Variants in ZNF69 observed in about 807,000 individuals in gnomAD.
The protein encoded by ZNF69 is ZNF3.
In ZNF69, 47 loss-of-function variants were observed where a neutral mutation model predicts 50.9. That is an observed-to-expected ratio of 0.92 (90% CI 0.73 to 1.18). The LOEUF is 1.18. ZNF69 is among the 50% of genes most tolerant of loss of function. The pLI is 0.00. For synonymous variants in ZNF69, 216 were observed against 223.1 expected (o/e 0.97, Z 0.29); for missense variants, 717 against 675.1 (o/e 1.06, Z -0.69).
At chr19:11,927,901 T>G in the ZNF69 span, among the ~76,000 whole-genome samples, 1 of 152,124 alleles carries the variant, frequency 6.6e-6, no homozygotes, top group Admixed American at 6.5e-5. Flanking sequence ...TTACTCTGGC[T>G]CCCCTAGGCA....
At chr19:11,924,722 C>T in the ZNF69 span, among the ~76,000 whole-genome samples, 843 of 152,218 alleles carry the variant, frequency 5.5e-3, 7 homozygotes, top group African/African-American at 0.02. Context: ...TGCAGTCGTG[C>T]CTGGCCTGGT....
chr19:11,938,569 C>G, the ZNF69 span, among the ~76,000 whole-genome samples: 2 of 152,048 alleles, frequency 1.3e-5, no homozygotes, highest in African/African-American at 4.8e-5. Context: ...TGAACTCATC[C>G]TTTTTTGTGG....
chr19:11,965,277 T>G, the ZNF69 span: 3 of 1,609,378 alleles, frequency 1.9e-6, 1 homozygote, highest in Non-Finnish European at 2.5e-6. Flanking sequence ...CGGAACCGGC[T>G]GCGGCGGGAC....
the ZNF69 span, among the ~76,000 whole-genome samples, chr19:11,975,370 G>A: frequency 1.3e-5 from 2 of 151,564 alleles, no homozygotes; most frequent in African/African-American, 2.4e-5. Context: ...CACTGCACCC[G>A]GCCAAGATGT....
At chr19:11,961,037 G>T in the ZNF69 span, among the ~76,000 whole-genome samples, 1 of 152,162 alleles carries the variant, frequency 6.6e-6, no homozygotes, top group South Asian at 2.1e-4. Context: ...CCAGCACTTT[G>T]GGAGGCCGAG....
At chr19:11,970,548 T>C in the ZNF69 span, among the ~76,000 whole-genome samples, 1 of 152,268 alleles carries the variant, frequency 6.6e-6, no homozygotes, top group Admixed American at 6.5e-5. Context: ...AGATTGATTA[T>C]TCTCCTGTAG....
At chr19:11,909,801 G>C (rs962877636), downstream of ZNF69, among the ~76,000 whole-genome samples, 61 of 151,782 alleles carry the variant, frequency 4.0e-4, no homozygotes, top group Non-Finnish European at 6.3e-4. Flanking sequence ...ATTCAACATA[G>C]TGTTGGAAGT....
the ZNF69 span, chr19:11,979,972 G>C: frequency 8.2e-7 from 1 of 1,218,282 alleles, no homozygotes; most frequent in Non-Finnish European, 1.2e-6. Context: ...ACACTGGAGA[G>C]AAACCCTATG....
chr19:11,925,097 G>A, the ZNF69 span: 2 of 1,208,536 alleles, frequency 1.7e-6, no homozygotes, highest in East Asian at 2.7e-5. Flanking sequence ...GAAATGGAGG[G>A]GGTCGCTTTC....
At chr19:11,958,985 C>T in the ZNF69 span, among the ~76,000 whole-genome samples, 2 of 151,698 alleles carry the variant, frequency 1.3e-5, no homozygotes, top group Admixed American at 6.6e-5. Context: ...CAGGTTCAAG[C>T]GATTCTCTTT....
At chr19:11,947,710 A>G in the ZNF69 span, 1 of 917,508 alleles carries the variant, frequency 1.1e-6, no homozygotes, top group Non-Finnish European at 1.7e-6. Context: ...CTCAAAAAAC[A>G]TATATTTAAA....
At chr19:11,937,681 G>A in the ZNF69 span, among the ~76,000 whole-genome samples, 1 of 151,596 alleles carries the variant, frequency 6.6e-6, no homozygotes, top group Admixed American at 6.6e-5. Context: ...GTAGAGACGG[G>A]GTTTCACCAT....
intron 1 of ZNF69, among the ~76,000 whole-genome samples, chr19:11,893,618 C>T (rs934574861): frequency 1.1e-4 from 17 of 152,168 alleles, no homozygotes; most frequent in Admixed American, 5.2e-4. Flanking sequence ...GTCTTCAGTG[C>T]ACCCTCCTAT....
At chr19:11,932,661 A>G in the ZNF69 span, among the ~76,000 whole-genome samples, 2 of 133,334 alleles carry the variant, frequency 1.5e-5, no homozygotes, top group Non-Finnish European at 3.1e-5. Context: ...TTTTTGAGAC[A>G]GAGTCTTGCC....
Position 11,905,572 on chromosome 19 carries a change from A to G in ZNF69, c.1175A>G (p.Gln392Arg), listed in dbSNP as rs1972353005. 1.9e-6 allele frequency: 3 copies of G among 1,614,062 alleles called. No homozygotes were observed. In the African/African-American group the frequency reaches 4.0e-5, roughly 22 times the overall value. Residue 392 changes from glutamine (Q) to arginine (R), a missense_variant, in exon 4 of 4, where the codon CAA (glutamine) becomes CGA (arginine). Physicochemically the swap from Gln to Arg is conservative, Grantham distance 43. Transcript: ENST00000429654. ...GGAGAGAAACCCTATAAATGCAAGC[A>G]ATGTGGTAAAGCCTTCATTCATTCC... ...HSGEKPYKCK[Q>R]CGKAFIHSSS...
chr19:11,915,067 C>A (rs972253828), downstream of ZNF69, among the ~76,000 whole-genome samples: 3 of 152,134 alleles, frequency 2.0e-5, no homozygotes, highest in Middle Eastern at 3.2e-3. Flanking sequence ...AGCTGGGCAT[C>A]GTGGTGTGTG....
the ZNF69 span, among the ~76,000 whole-genome samples, chr19:11,945,132 A>C: frequency 0.013 from 1,921 of 152,352 alleles, 23 homozygotes; most frequent in South Asian, 0.024. Flanking sequence ...TTGTTAGATT[A>C]GGTAGCCCCA....
At position 11,905,924 on chromosome 19, in the gene ZNF69, G is replaced by A; in HGVS notation, c.1527G>A (p.Lys509=). Residue 509 remains lysine, a synonymous_variant, in exon 4 of 4, where the codon AAG becomes AAA. Coordinates refer to ENST00000429654, the MANE Select transcript of ZNF69 (RefSeq NM_001364730.1). ...CTGGAGAGAAACTCTATGAATGCAA[G>A]CAATGTGGTGAAGCCTTCAGTAGTT... ...THTGEKLYEC[K]QCGEAFSSSS... is the part of the protein sequence containing the mutation. The A allele has an allele frequency of 1.2e-6, 2 of 1,614,002 alleles. No homozygotes were observed. The highest frequency in any genetic ancestry group is 1.7e-6 in the Non-Finnish European group (2 of 1,179,986).
At chr19:11,889,551 C>T (rs1977030800) in intron 1 of ZNF69, among the ~76,000 whole-genome samples, 1 of 152,212 alleles carries the variant, frequency 6.6e-6, no homozygotes, top group African/African-American at 2.4e-5. Context: ...CTGCAACCTC[C>T]ACCTTCCGGA....
Sources: gnomAD v4.1 joint callset for allele counts (sites outside exome capture counted in the v4.1 genomes callset) on GRCh38, gnomAD v4.1.1 for gene constraint, MANE v1.5 for transcripts, NCBI Gene and HGNC (gene_info 2026-07-23, HGNC 2026-07-21) for gene names.